NLRP2: variants seen among roughly 807,000 people sequenced by gnomAD.
The protein encoded by NLRP2 is NLR family pyrin domain containing 2, also known as NACHT, LRR and PYD domains-containing protein 2.
Under a neutral mutation model 97.2 loss-of-function variants are expected in NLRP2, and 107 were observed. The ratio of observed to expected loss-of-function variants is 1.10; its 90% CI spans 0.94 to 1.29. NLRP2 has a LOEUF of 1.29. Ranked by LOEUF, NLRP2 falls within the 50% of genes most tolerant of loss-of-function variation. The pLI, the probability that NLRP2 is intolerant of heterozygous loss-of-function variation, is 0.00. For synonymous variants in NLRP2, 663 were observed against 551.5 expected (o/e 1.20, Z -2.83); for missense variants, 1,495 against 1,330.3 (o/e 1.12, Z -1.93).
intron 12 of NLRP2, among the ~76,000 whole-genome samples, chr19:54,998,912 G>A (rs1431283714): frequency 6.6e-6 from 1 of 151,538 alleles, no homozygotes; most frequent in Non-Finnish European, 1.5e-5. Context: ...AACTCTGAGT[G>A]GACACAGCAC....
intron 4 of NLRP2, 147 bp downstream of exon 4, chr19:54,977,970 A>G (rs764045767): frequency 8.9e-5 from 69 of 776,938 alleles, no homozygotes; most frequent in East Asian, 2.1e-4. Flanking sequence ...GAGAATGCCA[A>G]CCTCCCTTCC....
intron 12 of NLRP2, among the ~76,000 whole-genome samples, 167 bp from the exon 13 acceptor site, chr19:55,000,592 TA>T (rs34129339): frequency 0.17 from 20,073 of 119,772 alleles, 1,473 homozygotes; most frequent in Middle Eastern, 0.33. Flanking sequence ...GACTGTCTTT[TA>T]AAAAAAAAAA....
intron 4 of NLRP2, among the ~76,000 whole-genome samples, chr19:54,978,265 G>C (rs146007049): frequency 7.4e-6 from 1 of 135,920 alleles, no homozygotes; most frequent in East Asian, 2.1e-4. Context: ...ACGAAGTCTT[G>C]TTCTTGTCAC....
At position 54,985,957 on chromosome 19, in the gene NLRP2, G is replaced by A. The variant is rs199475723; in HGVS notation, c.2202-194G>A. Among the ~76,000 whole-genome samples, 1,571 of 151,934 alleles carry A rather than the reference G, an allele frequency of 0.01. 10 individuals carry two copies. The highest frequency in any genetic ancestry group is 0.017 in the South Asian group (81 of 4,800). ...GTTTGCTTTGCAGTGAGCCGAGATCGCGCCACTGCACTCCAGCCTGGGCAA... is the reference window on the plus strand; with the variant it reads ...GTTTGCTTTGCAGTGAGCCGAGATCACGCCACTGCACTCCAGCCTGGGCAA... On this transcript the variant is annotated intron_variant, in intron 7 of 12. Transcript: ENST00000448584.
rs1214129931 is a variant in NLRP2, at chr19:54,998,024, T to C, written c.3050+537T>C. 3.0e-5 allele frequency among the ~76,000 whole-genome samples: 4 copies of C among 135,444 alleles called. 1 individual carries two copies. The highest frequency in any genetic ancestry group is 2.4e-4 in the Admixed American group (3 of 12,446). The allele number at this position is 135,444 out of a possible 152,430, so 88.9% of individuals were successfully genotyped here. Reference sequence around the variant, plus strand: ...TTGGGGTTTTGTTTTGTTTTTTCTTTCTTTTTTTTTTTTTTTTTCTGAGAT... The same window carrying C: ...TTGGGGTTTTGTTTTGTTTTTTCTTCCTTTTTTTTTTTTTTTTTCTGAGAT... On this transcript the variant is annotated intron_variant, in intron 12 of 12. Coordinates refer to ENST00000448584, the MANE Select transcript of NLRP2 (RefSeq NM_017852.5).
chr19:54,974,668 C>CGCCCTGGGAG, intron 3 of NLRP2, 124 bp downstream of exon 3: 2 of 772,700 alleles, frequency 2.6e-6, no homozygotes, highest in Non-Finnish European at 4.5e-6. Flanking sequence ...ATCCCTGCTC[C>CGCCCTGGGAG]CAGGGCGGAG....
intron 11 of NLRP2, among the ~76,000 whole-genome samples, chr19:54,995,648 G>A (rs1448498268): frequency 1.3e-5 from 2 of 152,026 alleles, no homozygotes; most frequent in African/African-American, 4.8e-5. Flanking sequence ...TCTATCAGCA[G>A]GTGAGTGGTC....
chr19:54,997,581 G>C, intron 12 of NLRP2, 94 bp downstream of exon 12: 1 of 1,309,868 alleles, frequency 7.6e-7, no homozygotes. Flanking sequence ...GACTGATCTG[G>C]TAGCTGGATT....
intron 10 of NLRP2, among the ~76,000 whole-genome samples, chr19:54,993,032 C>G (rs1163454329): frequency 6.6e-6 from 1 of 151,690 alleles, no homozygotes; most frequent in Non-Finnish European, 1.5e-5. Flanking sequence ...CCAGCCTGGC[C>G]AACATGGTGA....
At position 54,983,177 on chromosome 19, in the gene NLRP2, A is replaced by G; in HGVS notation, c.1479A>G (p.Arg493=). The change falls in exon 6 of 13, where the codon AGA becomes AGG. Residue 493 remains arginine, a synonymous_variant. Coordinates refer to ENST00000448584, the MANE Select transcript of NLRP2 (RefSeq NM_017852.5). Reference sequence around the variant, plus strand: ...ACGGAGACATCCTCCGCCAGGACAGAGTCTCCAAAGGCTGCTACTCCTTCA... The same window carrying G: ...ACGGAGACATCCTCCGCCAGGACAGGGTCTCCAAAGGCTGCTACTCCTTCA... ...FLDGDILRQD[R]VSKGCYSFIH... is the part of the protein sequence containing the mutation. 6.2e-7 allele frequency: 1 copy of G among 1,613,918 alleles called. No homozygotes were observed. The highest frequency in any genetic ancestry group is 1.1e-5 in the South Asian group (1 of 91,058).
chr19:54,992,180 A>C (rs888738414), intron 10 of NLRP2, among the ~76,000 whole-genome samples: 38 of 151,788 alleles, frequency 2.5e-4, no homozygotes, highest in African/African-American at 9.0e-4. Context: ...CCAAAGTGCT[A>C]GGATTTACAG....
chr19:54,984,088 A>G (rs193049166), intron 6 of NLRP2, among the ~76,000 whole-genome samples: 116 of 149,780 alleles, frequency 7.7e-4, no homozygotes, highest in African/African-American at 2.6e-3. Context: ...GCCTGACCTC[A>G]GGTGATCCAC....
chr19:54,985,705 G>GA (rs1289243564), intron 7 of NLRP2, among the ~76,000 whole-genome samples: 17 of 136,144 alleles, frequency 1.2e-4, no homozygotes, highest in African/African-American at 4.9e-4. Flanking sequence ...AAAAGAAAAA[G>GA]AAAAAAAGGG....
At position 54,977,826 on chromosome 19, in the gene NLRP2, G is replaced by A; in HGVS notation, c.397+3G>A. On this transcript the variant is annotated splice_donor_region_variant and intron_variant, in intron 4 of 12. Transcript: ENST00000448584. ...GCGCTTCAAAACAGAAGCACAAGGT[G>A]GGTGTCAGGACCTCCAATGTTGGAG... 13 of 1,613,416 alleles carry A rather than the reference G, an allele frequency of 8.1e-6. No homozygotes were observed. Among genetic ancestry groups the A allele is most frequent in the Non-Finnish European group, 1.0e-5 (12 of 1,179,908 alleles).
At chr19:54,984,329 G>GTGTTTTTTTTTTTTTTTTTTTT in intron 6 of NLRP2, among the ~76,000 whole-genome samples, 6 of 79,668 alleles carry the variant, frequency 7.5e-5, no homozygotes, top group East Asian at 3.2e-4. Flanking sequence ...TTTTTTTTGT[G>GTGTTTTTTTTTTTTTTTTTTTT]TTTTTTTTTT....
chr19:54,969,966 C>G (rs761507335), intron 1 of NLRP2, 33 bp from the exon 2 acceptor site: 3 of 1,601,862 alleles, frequency 1.9e-6, no homozygotes, highest in East Asian at 4.5e-5. Flanking sequence ...TAATCACCAT[C>G]CCTCTCCACT....
chr19:54,988,297 TTTC>T (rs2072230744), intron 8 of NLRP2, among the ~76,000 whole-genome samples: 1 of 152,224 alleles, frequency 6.6e-6, no homozygotes, highest in Non-Finnish European at 1.5e-5. Flanking sequence ...CACTAATTTC[TTTC>T]TTTTTTTCTC....
At chr19:54,996,037 C>CAA (rs544759995) in intron 11 of NLRP2, among the ~76,000 whole-genome samples, 3,095 of 73,002 alleles carry the variant, frequency 0.042, 181 homozygotes, top group South Asian at 0.049. Flanking sequence ...GATCCTGTCT[C>CAA]AAAAAAAAAA....
intron 4 of NLRP2, among the ~76,000 whole-genome samples, chr19:54,979,411 C>A (rs1035149284): frequency 2.0e-5 from 3 of 151,204 alleles, no homozygotes; most frequent in Non-Finnish European, 4.4e-5. Context: ...GGTGTGATCT[C>A]GGCTCGCCAC....
Sources: allele counts gnomAD v4.1 joint callset (sites outside exome capture counted in the v4.1 genomes callset), GRCh38; gene constraint gnomAD v4.1.1; transcripts MANE v1.5; gene names NCBI Gene and HGNC (gene_info 2026-07-23, HGNC 2026-07-21).